Variants in SLC15A1 observed in about 807,000 individuals in gnomAD.
SLC15A1 encodes the protein Caco-2 oligopeptide transporter.
A neutral mutation model predicts 92.9 loss-of-function variants in SLC15A1; 83 were observed. The ratio of observed to expected loss-of-function variants is 0.89; its 90% CI spans 0.75 to 1.07. The LOEUF is 1.07. Among genes scored for constraint, SLC15A1 ranks in the 50% least tolerant of loss-of-function variants. The pLI, the probability that SLC15A1 is intolerant of heterozygous loss-of-function variation, is 0.00. For missense variants in SLC15A1, 857 were observed against 880.1 expected (o/e 0.97, Z 0.33); for synonymous variants, 322 against 318.2 (o/e 1.01, Z -0.13).
intron 1 of SLC15A1, among the ~76,000 whole-genome samples, chr13:98,734,356 C>T (rs1368739507): frequency 4.6e-5 from 7 of 152,154 alleles, no homozygotes; most frequent in Non-Finnish European, 8.8e-5. Flanking sequence ...CAGGTCTCAG[C>T]GTGATCAACA....
chr13:98,725,392 C>G (rs901388777), intron 4 of SLC15A1, among the ~76,000 whole-genome samples: 16 of 152,220 alleles, frequency 1.1e-4, no homozygotes, highest in Non-Finnish European at 7.4e-5. Flanking sequence ...GCTCGTGGAG[C>G]CCTTCCTGGA....
rs533040643 is a variant in SLC15A1 at position 98,721,507 on chromosome 13, G to A, written c.544C>T (p.Pro182Ser). 8.7e-6 allele frequency: 14 copies of A among 1,612,500 alleles called. No homozygotes were observed. Among genetic ancestry groups the A allele is most frequent in the Non-Finnish European group, 1.0e-5 (12 of 1,178,776 alleles). ...AGSLLSTIIT[P>S]MLRVQQCGIH... ...AGGTATCTCTTACCTCTGAGCATGG[G>A]TGTGATGATTGTGGAAAGCAAACTT... Residue 182 changes from proline (P) to serine (S), a missense_variant, in exon 7 of 23, where the codon CCC becomes TCC. By Grantham distance (74) the Pro-to-Ser change is moderately conservative. Coordinates refer to ENST00000376503, the MANE Select transcript of SLC15A1 (RefSeq NM_005073.4).
At position 98,723,997 on chromosome 13, in the gene SLC15A1, C is replaced by G. The variant is rs761155832; in HGVS notation, c.280G>C (p.Gly94Arg). ...IVSLSIVYTI[G>R]QAVTSVSSIN... ...GAGCTTACTGAGGTGACTGCTTGTC[C>G]AATTGTGTAGACAATGGAGAGCGAC... Residue 94 changes from glycine (G) to arginine (R), a missense_variant, in exon 5 of 23, where the codon GGA (glycine) becomes CGA (arginine). Physicochemically the swap from Gly to Arg is moderately radical, Grantham distance 125. Transcript: ENST00000376503. 7 of 1,614,092 alleles carry G rather than the reference C, an allele frequency of 4.3e-6. No homozygotes were observed. Among genetic ancestry groups the G allele is most frequent in the Non-Finnish European group, 5.9e-6 (7 of 1,179,998 alleles).
intron 17 of SLC15A1, among the ~76,000 whole-genome samples, chr13:98,703,447 G>A (rs1233966824): frequency 4.7e-5 from 7 of 149,826 alleles, no homozygotes; most frequent in East Asian, 2.0e-4. Context: ...TTGCAGTTCC[G>A]TAGAAGCTCA....
At chr13:98,699,451 G>A (rs2088050229) in intron 18 of SLC15A1, among the ~76,000 whole-genome samples, 2 of 152,224 alleles carry the variant, frequency 1.3e-5, no homozygotes, top group South Asian at 2.1e-4. Flanking sequence ...CATTTGAAAT[G>A]CATTCACATC....
chr13:98,685,355 T>A (rs1249138567), intron 22 of SLC15A1, among the ~76,000 whole-genome samples: 1 of 152,148 alleles, frequency 6.6e-6, no homozygotes, highest in South Asian at 2.1e-4. Flanking sequence ...CATTAGCACA[T>A]CTGCTGCTGG....
chr13:98,715,144 A>G (rs915760412), intron 9 of SLC15A1, among the ~76,000 whole-genome samples: 13 of 152,160 alleles, frequency 8.5e-5, no homozygotes, highest in Non-Finnish European at 1.6e-4. Context: ...TTTGTACATG[A>G]GTCTGTGTTC....
intron 18 of SLC15A1, among the ~76,000 whole-genome samples, chr13:98,698,937 ACT>A (rs1275365374): frequency 1.3e-5 from 2 of 152,028 alleles, no homozygotes; most frequent in Admixed American, 6.6e-5. Context: ...CAGGATACCT[ACT>A]CTCATTCCCC....
intron 18 of SLC15A1, 131 bp downstream of exon 18, chr13:98,702,349 G>A (rs1344198365): frequency 2.8e-6 from 2 of 708,204 alleles, no homozygotes; most frequent in African/African-American, 1.8e-5. Context: ...GGAATATTCA[G>A]CCAGCCTTAC....
intron 1 of SLC15A1, among the ~76,000 whole-genome samples, chr13:98,746,643 T>C (rs1377154873): frequency 6.6e-6 from 1 of 152,078 alleles, no homozygotes; most frequent in East Asian, 1.9e-4. Context: ...AAGTTCTAAA[T>C]GCCTAGTTTG....
chr13:98,721,807 G>A lies in SLC15A1; in HGVS notation c.462C>T (p.Gly154=), dbSNP rs748586549. 7 of 1,613,878 alleles carry A rather than the reference G, an allele frequency of 4.3e-6. No homozygotes were observed. Among genetic ancestry groups the A allele is most frequent in the Admixed American group, 1.7e-5 (1 of 60,004 alleles). Residue 154 remains glycine, a synonymous_variant, in exon 6 of 23, where the codon GGC becomes GGT. Transcript: ENST00000376503. ...CTGGGGAGGCCCCTACCCTTACCTG[G>A]CCCTCTTCAAACTGATCTCCACCAA... ...SAFGGDQFEE[G]QEKQRNRFFS... is the part of the protein sequence containing the mutation.
intron 1 of SLC15A1, among the ~76,000 whole-genome samples, chr13:98,734,879 T>G (rs1018696261): frequency 6.6e-6 from 1 of 152,142 alleles, no homozygotes; most frequent in African/African-American, 2.4e-5. Flanking sequence ...CAGGACCAGA[T>G]GGATTCACAG....
chr13:98,748,502 G>A lies in SLC15A1; in HGVS notation c.4+4093C>T, dbSNP rs191240783. Among the ~76,000 whole-genome samples, 186 of 152,050 alleles carry A rather than the reference G, an allele frequency of 1.2e-3. 1 individual carries two copies. The highest frequency in any genetic ancestry group is 4.2e-3 in the African/African-American group (174 of 41,492). ...TGGAGACGGGGTTTTGCCATGTTGC[G>A]CAGACTGATTTCAAACTCCTGAGCT... On this transcript the variant is annotated intron_variant, in intron 1 of 22. Coordinates refer to ENST00000376503, the MANE Select transcript of SLC15A1 (RefSeq NM_005073.4).
chr13:98,729,607 A>G (rs1440449145), intron 1 of SLC15A1, among the ~76,000 whole-genome samples: 7 of 152,198 alleles, frequency 4.6e-5, no homozygotes, highest in African/African-American at 1.7e-4. Context: ...GGAGCCATAC[A>G]GCATGCGGAA....
At chr13:98,717,797 C>T (rs1215011301) in intron 8 of SLC15A1, among the ~76,000 whole-genome samples, 1 of 152,092 alleles carries the variant, frequency 6.6e-6, no homozygotes, top group Non-Finnish European at 1.5e-5. Context: ...GAGAGAGAGA[C>T]GTGATTGTCA....
At chr13:98,695,377 A>G (rs1593981813) in intron 18 of SLC15A1, among the ~76,000 whole-genome samples, 1 of 151,944 alleles carries the variant, frequency 6.6e-6, no homozygotes, top group Admixed American at 6.6e-5. Context: ...ATGCACTGCT[A>G]TGCCAGACCC....
intron 21 of SLC15A1, among the ~76,000 whole-genome samples, chr13:98,687,253 A>C (rs1349890518): frequency 1.3e-5 from 2 of 152,158 alleles, no homozygotes; most frequent in Non-Finnish European, 2.9e-5. Flanking sequence ...GGTTGGTTAC[A>C]TTTGGTTGTT....
chr13:98,743,759 T>A (rs1044881897), intron 1 of SLC15A1, among the ~76,000 whole-genome samples: 2 of 152,186 alleles, frequency 1.3e-5, no homozygotes, highest in Non-Finnish European at 2.9e-5. Context: ...GAAGAACACC[T>A]TTCCTTCAGA....
At position 98,706,197 on chromosome 13, in the gene SLC15A1, T is replaced by G. The variant is rs781703176; in HGVS notation, c.1206A>C (p.Ile402=). Residue 402 remains isoleucine, a synonymous_variant, in exon 16 of 23, where the codon ATA becomes ATC. Transcript: ENST00000376503. ...GAGATATATTCATGGTATTGTTTCC[T>G]ATATTCAAAACTTTAATTTGGACTT... ...GNEVQIKVLN[I]GNNTMNISLP... 1 of 1,613,768 alleles carries G rather than the reference T, an allele frequency of 6.2e-7. No homozygotes were observed. The highest frequency in any genetic ancestry group is 8.5e-7 in the Non-Finnish European group (1 of 1,179,824).
Sources: allele counts gnomAD v4.1 joint callset (sites outside exome capture counted in the v4.1 genomes callset), GRCh38; gene constraint gnomAD v4.1.1; transcripts MANE v1.5; gene names NCBI Gene and HGNC (gene_info 2026-07-23, HGNC 2026-07-21).